Variants in CIMAP2 observed in about 807,000 individuals in gnomAD.
CIMAP2 encodes ciliary microtubule-associated protein 2.
At chr1:54,811,765 G>GCCGGGGGGGGGGGGGGGGGCCC in the CIMAP2 span, 1 of 1,301,332 alleles carries the variant, frequency 7.7e-7, no homozygotes. Context: ...GGTTCTGACA[G>GCCGGGGGGGGGGGGGGGGGCCC]CCTCCATGCC....
the CIMAP2 span, among the ~76,000 whole-genome samples, chr1:54,839,520 G>A: frequency 4.6e-5 from 7 of 152,116 alleles, no homozygotes; most frequent in East Asian, 1.3e-3. Context: ...TGGGATTACA[G>A]GCACCTGCCA....
the CIMAP2 span, chr1:54,811,766 C>CGGGGCGG: frequency 7.7e-7 from 1 of 1,305,190 alleles, no homozygotes; most frequent in Non-Finnish European, 1.1e-6. Context: ...GTTCTGACAG[C>CGGGGCGG]CTCCATGCCC....
chr1:54,823,775 T>C, the CIMAP2 span, among the ~76,000 whole-genome samples: 1 of 152,244 alleles, frequency 6.6e-6, no homozygotes, highest in Non-Finnish European at 1.5e-5. Flanking sequence ...TTCATGATTG[T>C]AGATGTCGCT....
At chr1:54,813,745 G>A in the CIMAP2 span, 3 of 1,487,738 alleles carry the variant, frequency 2.0e-6, no homozygotes, top group Non-Finnish European at 2.7e-6. Flanking sequence ...TCTGGTTGCG[G>A]GGGAGGGTTG....
the CIMAP2 span, among the ~76,000 whole-genome samples, chr1:54,820,597 C>G: frequency 6.6e-6 from 1 of 152,114 alleles, no homozygotes; most frequent in East Asian, 1.9e-4. Context: ...GCATTTGTTA[C>G]TTCTTGTCTT....
the CIMAP2 span, among the ~76,000 whole-genome samples, chr1:54,829,127 G>A: frequency 6.6e-6 from 1 of 152,222 alleles, no homozygotes; most frequent in Admixed American, 6.5e-5. Flanking sequence ...TTGTTGAAAT[G>A]TTTGAGTTTT....
At chr1:54,840,369 G>A in the CIMAP2 span, among the ~76,000 whole-genome samples, 9 of 152,314 alleles carry the variant, frequency 5.9e-5, no homozygotes, top group African/African-American at 2.2e-4. Context: ...GACACAGTTT[G>A]TTTATCCATT....
At chr1:54,808,038 A>T in the CIMAP2 span, 1 of 1,517,742 alleles carries the variant, frequency 6.6e-7, no homozygotes, top group Non-Finnish European at 8.8e-7. Context: ...CTGGAGTCCC[A>T]AGCAGAGAGC....
At chr1:54,836,839 A>G in the CIMAP2 span, among the ~76,000 whole-genome samples, 3 of 151,956 alleles carry the variant, frequency 2.0e-5, no homozygotes, top group African/African-American at 7.3e-5. Flanking sequence ...GGCAGGGGAT[A>G]TGGAAGAACG....
the CIMAP2 span, chr1:54,816,869 G>T: frequency 7.5e-7 from 1 of 1,329,684 alleles, no homozygotes; most frequent in Non-Finnish European, 1.0e-6. Context: ...TATCTTTTTG[G>T]GAGACACAAT....
chr1:54,810,684 A>G, the CIMAP2 span, among the ~76,000 whole-genome samples: 2 of 152,280 alleles, frequency 1.3e-5, no homozygotes, highest in South Asian at 4.2e-4. Flanking sequence ...AGCAGCAGAA[A>G]ACGTCCTGCC....
chr1:54,838,681 C>T, the CIMAP2 span, among the ~76,000 whole-genome samples: 31 of 152,032 alleles, frequency 2.0e-4, no homozygotes, highest in Non-Finnish European at 3.5e-4. Context: ...TGTTATTGTT[C>T]ATGAGTCTAT....
chr1:54,814,920 T>A, the CIMAP2 span: 1 of 1,614,002 alleles, frequency 6.2e-7, no homozygotes, highest in Admixed American at 1.7e-5. Flanking sequence ...GTAGGCCACA[T>A]CTGGCCCCAG....
chr1:54,812,292 C>T, the CIMAP2 span: 390 of 1,484,642 alleles, frequency 2.6e-4, no homozygotes, highest in African/African-American at 1.7e-3. Context: ...GGCTCTGCAC[C>T]GGGCCTTTCC....
At chr1:54,813,685 C>A in the CIMAP2 span, 7 of 687,632 alleles carry the variant, frequency 1.0e-5, no homozygotes, top group Non-Finnish European at 1.3e-5. Flanking sequence ...GGCCTCCGGC[C>A]TCCGGGATGT....
chr1:54,814,515 A>G, the CIMAP2 span, among the ~76,000 whole-genome samples: 1 of 152,178 alleles, frequency 6.6e-6, no homozygotes, highest in South Asian at 2.1e-4. Flanking sequence ...GCATTTCACT[A>G]AAGGAAACCG....
At chr1:54,829,102 C>A in the CIMAP2 span, among the ~76,000 whole-genome samples, 2 of 152,200 alleles carry the variant, frequency 1.3e-5, no homozygotes, top group Admixed American at 1.3e-4. Flanking sequence ...TTAACAGATT[C>A]TTTCATATTC....
chr1:54,817,668 T>C, the CIMAP2 span, among the ~76,000 whole-genome samples: 6 of 152,178 alleles, frequency 3.9e-5, no homozygotes, highest in South Asian at 2.1e-4. Flanking sequence ...CATTGTAATA[T>C]AGTAACAATT....
chr1:54,816,879 T>C, the CIMAP2 span: 2 of 1,394,042 alleles, frequency 1.4e-6, no homozygotes, highest in Non-Finnish European at 2.0e-6. Flanking sequence ...GGAGACACAA[T>C]TCAACTCATA....
Sources: gnomAD v4.1 joint callset for allele counts (sites outside exome capture counted in the v4.1 genomes callset) on GRCh38, gnomAD v4.1.1 for gene constraint, MANE v1.5 for transcripts, NCBI Gene and HGNC (gene_info 2026-07-23, HGNC 2026-07-21) for gene names.